Variants in MPEG1 observed in about 807,000 individuals in gnomAD.
The protein encoded by MPEG1 is macrophage expressed 1.
For missense variants in MPEG1, 876 were observed against 880.3 expected (o/e 1.00, Z 0.06); for synonymous variants, 365 against 351.9 (o/e 1.04, Z -0.42).
In MPEG1 at chr11:59,212,718, C is replaced by G. The variant is rs763555814; in HGVS notation, c.148G>C (p.Gly50Arg). ...LPVLEVLPGG[G>R]WDNLRNVDMG... Reference sequence around the variant, plus strand: ...TCCACATTCCGCAGATTGTCCCAGCCCCCTCCAGGTAGGACTTCCAGGACA... The same window carrying G: ...TCCACATTCCGCAGATTGTCCCAGCGCCCTCCAGGTAGGACTTCCAGGACA... Residue 50 changes from glycine to arginine, a missense_variant, in exon 1 of 1, where the codon GGC becomes CGC. Coordinates refer to ENST00000361050, the MANE Select transcript of MPEG1 (RefSeq NM_001039396.2). The G allele has an allele frequency of 1.4e-5, 22 of 1,614,198 alleles. No homozygotes were observed. The highest frequency in any genetic ancestry group is 1.7e-5 in the Non-Finnish European group (20 of 1,180,036).
rs200143926 is a variant in MPEG1 at position 59,212,321 on chromosome 11, A to T, written c.545T>A (p.Leu182Gln). ...RKELLDISDR[L>Q]ENNQTRMATY... ...GGCCATCCTCGTCTGGTTGTTCTCT[A>T]GACGGTCAGAGATGTCAAGGAGTTC... is the stretch of plus-strand genomic sequence containing the variant. The change falls in exon 1 of 1, where the codon CTA (leucine) becomes CAA (glutamine). Residue 182 changes from leucine to glutamine, a missense_variant. By Grantham distance (113) the Leu-to-Gln change is moderately radical. Coordinates refer to ENST00000361050, the MANE Select transcript of MPEG1 (RefSeq NM_001039396.2). 2.4e-5 allele frequency: 38 copies of T among 1,613,882 alleles called. No homozygotes were observed. The highest frequency in any genetic ancestry group is 3.1e-5 in the Non-Finnish European group (36 of 1,180,040).
Position 59,210,630 on chromosome 11 carries a change from G to T in MPEG1, c.*85C>A. On this transcript the variant is annotated 3_prime_UTR_variant, in exon 1 of 1. Transcript: ENST00000361050. Reference sequence around the variant, plus strand: ...GTCACGAATATACCTACTTTTGGTTGCACTTGCCATTTCAATGCTTAGGAA... The same window carrying T: ...GTCACGAATATACCTACTTTTGGTTTCACTTGCCATTTCAATGCTTAGGAA... 7.9e-7 allele frequency: 1 copy of T among 1,258,460 alleles called. No individual in the cohort carries two copies. The highest frequency in any genetic ancestry group is 1.1e-6 in the Non-Finnish European group (1 of 888,342). The allele number at this position is 1,258,460 out of a possible 1,614,324, so 78.0% of individuals were successfully genotyped here. A position where few individuals can be genotyped will look rare whatever the true frequency, so the allele number is the denominator to read the frequency against.
At position 59,210,741 on chromosome 11, in the gene MPEG1, G is replaced by A. The variant is rs776765391; in HGVS notation, c.2125C>T (p.Gln709Ter). Reference protein sequence around the residue: ...GTAATGDTTYQEQGQSPA With the variant: ...GTAATGDTTY Reference sequence around the variant, plus strand: ...TAAGCTGGACTCTGCCCCTGCTCTTGGTAAGTGGTGTCTCCAGTTGCTGCA... The same window carrying A: ...TAAGCTGGACTCTGCCCCTGCTCTTAGTAAGTGGTGTCTCCAGTTGCTGCA... Residue 709 changes from glutamine (Q) to a stop codon, truncating the protein, a stop_gained, in exon 1 of 1, where the codon CAA becomes TAA. Coordinates refer to ENST00000361050, the MANE Select transcript of MPEG1 (RefSeq NM_001039396.2). LOFTEE classifies it high-confidence loss of function. The A allele has an allele frequency of 6.2e-7, 1 of 1,614,082 alleles. No homozygotes were observed. Among genetic ancestry groups the A allele is most frequent in the Non-Finnish European group, 8.5e-7 (1 of 1,179,974 alleles).
Position 59,211,120 on chromosome 11 carries a change from G to A in MPEG1, c.1746C>T (p.Leu582=), listed in dbSNP as rs1442246908. Residue 582 remains leucine, a synonymous_variant, in exon 1 of 1, where the codon CTC becomes CTT. Coordinates refer to ENST00000361050, the MANE Select transcript of MPEG1 (RefSeq NM_001039396.2). The part of the protein sequence containing the change: ...CQVSYCVKSG[L]FTGGSLPPAR... ...CAGGGGGCAGGGACCCTCCTGTGAA[G>A]AGCCCGGATTTGACGCAATAGGACA... 7 of 1,614,112 alleles carry A rather than the reference G, an allele frequency of 4.3e-6. No homozygotes were observed. The highest frequency in any genetic ancestry group is 3.3e-5 in the Admixed American group (2 of 60,008).
chr11:59,212,472 C>T lies in MPEG1; in HGVS notation c.394G>A (p.Glu132Lys). 4 of 1,614,178 alleles carry T rather than the reference C, an allele frequency of 2.5e-6. No homozygotes were observed. Among genetic ancestry groups the T allele is most frequent in the Non-Finnish European group, 3.4e-6 (4 of 1,180,038 alleles). Residue 132 changes from glutamate to lysine, a missense_variant, in exon 1 of 1, where the codon GAG (glutamate) becomes AAG (lysine). Glu to Lys is a moderately conservative substitution (Grantham distance 56, BLOSUM62 1). Coordinates refer to ENST00000361050, the MANE Select transcript of MPEG1 (RefSeq NM_001039396.2). Reference protein sequence around the residue: ...FSKVNGKFSTEFQRMKTLQVK... With the variant: ...FSKVNGKFSTKFQRMKTLQVK... ...TGGAGGGTCTTCATCCTCTGGAACT[C>T]AGTGGAAAACTTGCCATTGACTTTG...
At position 59,210,831 on chromosome 11, in the gene MPEG1, T is replaced by G; in HGVS notation, c.2035A>C (p.Thr679Pro). The G allele has an allele frequency of 6.2e-7, 1 of 1,614,134 alleles. No individual in the cohort carries two copies. The highest frequency in any genetic ancestry group is 8.5e-7 in the Non-Finnish European group (1 of 1,180,042). ...AVVITLAIYG[T>P]RKFKKKAYQA... is the part of the protein sequence containing the mutation. ...TATGCTTTCTTCTTGAACTTCCGGG[T>G]GCCGTAGATGGCCAAGGTGATAACA... is the stretch of plus-strand genomic sequence containing the variant. Residue 679 changes from threonine (T) to proline (P), a missense_variant, in exon 1 of 1, where the codon ACC (threonine) becomes CCC (proline). Transcript: ENST00000361050.
Position 59,212,669 on chromosome 11 carries a change from G to A in MPEG1, c.197C>T (p.Thr66Ile). The A allele has an allele frequency of 6.2e-7, 1 of 1,614,242 alleles. No individual in the cohort carries two copies. Among genetic ancestry groups the A allele is most frequent in the Non-Finnish European group, 8.5e-7 (1 of 1,180,040 alleles). The part of the protein sequence containing the change: ...NVDMGRVMEL[T>I]YSNCRTTEDG... Reference sequence around the variant, plus strand: ...CTCTGTTGTCCTGCAGTTGGAGTAAGTCAATTCCATAACTCGTCCCATGTC... The same window carrying A: ...CTCTGTTGTCCTGCAGTTGGAGTAAATCAATTCCATAACTCGTCCCATGTC... The change falls in exon 1 of 1, where the codon ACT (threonine) becomes ATT (isoleucine). Residue 66 changes from threonine (T) to isoleucine (I), a missense_variant. By Grantham distance (89) the Thr-to-Ile change is moderately conservative. Coordinates refer to ENST00000361050, the MANE Select transcript of MPEG1 (RefSeq NM_001039396.2).
At position 59,212,223 on chromosome 11, in the gene MPEG1, G is replaced by C. The variant is rs1440579253; in HGVS notation, c.643C>G (p.Leu215Val). 2.5e-6 allele frequency: 4 copies of C among 1,613,900 alleles called. No homozygotes were observed. The highest frequency in any genetic ancestry group is 2.2e-5 in the South Asian group (2 of 91,086). The change falls in exon 1 of 1, where the codon CTT (leucine) becomes GTT (valine). Residue 215 changes from leucine (L) to valine (V), a missense_variant. Physicochemically the swap from Leu to Val is conservative, Grantham distance 32. Coordinates refer to ENST00000361050, the MANE Select transcript of MPEG1 (RefSeq NM_001039396.2). ...VTTSVDAGAA[L>V]IQEDHLRASF... is the part of the protein sequence containing the mutation. ...GCCCTGAGGTGGTCCTCCTGAATAA[G>C]AGCAGCCCCAGCGTCGACACTGGTG...
rs1439594171 is a variant in MPEG1, at chr11:59,211,350, G to C, written c.1516C>G (p.Leu506Val). The change falls in exon 1 of 1, where the codon CTC becomes GTC. Residue 506 changes from leucine to valine, a missense_variant. By Grantham distance (32) the Leu-to-Val change is conservative. Coordinates refer to ENST00000361050, the MANE Select transcript of MPEG1 (RefSeq NM_001039396.2). ...SCPAGYFPLR[L>V]FENLKVCVSQ... Reference sequence around the variant, plus strand: ...ACACATACCTTGAGGTTTTCAAAGAGTCTCAGTGGAAAGTAGCCGGCTGGG... The same window carrying C: ...ACACATACCTTGAGGTTTTCAAAGACTCTCAGTGGAAAGTAGCCGGCTGGG... The C allele has an allele frequency of 1.2e-6, 2 of 1,614,086 alleles. No homozygotes were observed. The highest frequency in any genetic ancestry group is 4.5e-5 in the East Asian group (2 of 44,894).
At position 59,212,665 on chromosome 11, in the gene MPEG1, G is replaced by A. The variant is rs1565225970; in HGVS notation, c.201C>T (p.Tyr67=). Reference sequence around the variant, plus strand: ...CATCCTCTGTTGTCCTGCAGTTGGAGTAAGTCAATTCCATAACTCGTCCCA... The same window carrying A: ...CATCCTCTGTTGTCCTGCAGTTGGAATAAGTCAATTCCATAACTCGTCCCA... The part of the protein sequence containing the change: ...VDMGRVMELT[Y]SNCRTTEDGQ... The change falls in exon 1 of 1, where the codon TAC becomes TAT. Residue 67 remains tyrosine (Y), a synonymous_variant. Coordinates refer to ENST00000361050, the MANE Select transcript of MPEG1 (RefSeq NM_001039396.2). The A allele has an allele frequency of 1.3e-5, 21 of 1,614,254 alleles. No individual in the cohort carries two copies. Among genetic ancestry groups the A allele is most frequent in the Non-Finnish European group, 1.7e-5 (20 of 1,180,050 alleles).
chr11:59,208,797 C>T lies in MPEG1; in HGVS notation c.*1918G>A, dbSNP rs577861846. 1 of 152,356 alleles carries T rather than the reference C, an allele frequency of 6.6e-6. No homozygotes were observed. The highest frequency in any genetic ancestry group is 2.1e-4 in the South Asian group (1 of 4,830). 9.4% of individuals were successfully genotyped at this position (152,356 alleles called of 1,614,324 possible). A position where few individuals can be genotyped will look rare whatever the true frequency, so the allele number is the denominator to read the frequency against. On this transcript the variant is annotated 3_prime_UTR_variant, in exon 1 of 1. Coordinates refer to ENST00000361050, the MANE Select transcript of MPEG1 (RefSeq NM_001039396.2). ...CAATTGGCAAACTCCCATGTTCGGACTTCATATGCATGAGCCGTTGGACAG... is the reference window on the plus strand; with the variant it reads ...CAATTGGCAAACTCCCATGTTCGGATTTCATATGCATGAGCCGTTGGACAG...
In MPEG1 at chr11:59,212,883, C is replaced by T; in HGVS notation, c.-18G>A. ...TTGTTCATGGCTCAGACAGCCCCAGCCACTCACCAGCCCTACACAGCGGCC... is the reference window on the plus strand; with the variant it reads ...TTGTTCATGGCTCAGACAGCCCCAGTCACTCACCAGCCCTACACAGCGGCC... On this transcript the variant is annotated 5_prime_UTR_variant, in exon 1 of 1. Coordinates refer to ENST00000361050, the MANE Select transcript of MPEG1 (RefSeq NM_001039396.2). The T allele has an allele frequency of 1.2e-6, 2 of 1,605,386 alleles. No homozygotes were observed. The highest frequency in any genetic ancestry group is 1.7e-6 in the Non-Finnish European group (2 of 1,173,870).
Position 59,209,154 on chromosome 11 carries a change from A to G in MPEG1, c.*1561T>C, listed in dbSNP as rs1230146455. Reference sequence around the variant, plus strand: ...ATCAGTGTCTCTGGCTGGGCAGTCAAGAGAGCGGGCTCAAATTCTGTGACT... The same window carrying G: ...ATCAGTGTCTCTGGCTGGGCAGTCAGGAGAGCGGGCTCAAATTCTGTGACT... On this transcript the variant is annotated 3_prime_UTR_variant, in exon 1 of 1. Coordinates refer to ENST00000361050, the MANE Select transcript of MPEG1 (RefSeq NM_001039396.2). 1.3e-5 allele frequency: 2 copies of G among 152,152 alleles called. No homozygotes were observed. 9.4% of individuals were successfully genotyped at this position (152,152 alleles called of 1,614,324 possible).
rs367733685 is a variant in MPEG1 at position 59,211,940 on chromosome 11, G to A, written c.926C>T (p.Pro309Leu). ...HLVAIDRSGL[P>L]LHFFINPNML... ...GTTGGGGTTGATGAAGAAATGCAGC[G>A]GCAGGCCAGAGCGGTCGATGGCCAC... Residue 309 changes from proline (P) to leucine (L), a missense_variant, in exon 1 of 1, where the codon CCG (proline) becomes CTG (leucine). Coordinates refer to ENST00000361050, the MANE Select transcript of MPEG1 (RefSeq NM_001039396.2). The A allele has an allele frequency of 5.3e-5, 86 of 1,613,268 alleles. No homozygotes were observed. Among genetic ancestry groups the A allele is most frequent in the Admixed American group, 1.7e-4 (10 of 59,958 alleles).
In MPEG1 at chr11:59,211,984, C is replaced by T; in HGVS notation, c.882G>A (p.Gln294=). The change falls in exon 1 of 1, where the codon CAG becomes CAA. Residue 294 remains glutamine, a synonymous_variant. Coordinates refer to ENST00000361050, the MANE Select transcript of MPEG1 (RefSeq NM_001039396.2). ...YPGITLQAWQ[Q]GITNHLVAID... Reference sequence around the variant, plus strand: ...TGGCCACCAGGTGGTTGGTGATACCCTGCTGCCAGGCCTGGAGGGTGATGC... The same window carrying T: ...TGGCCACCAGGTGGTTGGTGATACCTTGCTGCCAGGCCTGGAGGGTGATGC... 6.2e-7 allele frequency: 1 copy of T among 1,611,026 alleles called. No individual in the cohort carries two copies.
rs750912692 is a variant in MPEG1 at position 59,210,829 on chromosome 11, G to T, written c.2037C>A (p.Thr679=). The part of the protein sequence containing the change: ...AVVITLAIYG[T]RKFKKKAYQA... ...GATATGCTTTCTTCTTGAACTTCCG[G>T]GTGCCGTAGATGGCCAAGGTGATAA... Residue 679 remains threonine, a synonymous_variant, in exon 1 of 1, where the codon ACC becomes ACA. Transcript: ENST00000361050. 3 of 1,614,072 alleles carry T rather than the reference G, an allele frequency of 1.9e-6. No individual in the cohort carries two copies. Among genetic ancestry groups the T allele is most frequent in the Admixed American group, 3.3e-5 (2 of 60,012 alleles).
Position 59,210,326 on chromosome 11 carries a change from T to TGTAGA in MPEG1, c.*388_*389insTCTAC. 3 of 179,888 alleles carry TGTAGA rather than the reference T, an allele frequency of 1.7e-5. No individual in the cohort carries two copies. The highest frequency in any genetic ancestry group is 1.5e-4 in the South Asian group (1 of 6,680). The allele number at this position is 179,888 out of a possible 1,614,324, so 11.1% of individuals were successfully genotyped here. On this transcript the variant is annotated 3_prime_UTR_variant, in exon 1 of 1. Transcript: ENST00000361050. Reference sequence around the variant, plus strand: ...AAAAATCAAAATAAAAGGAGAGTAGTTCTTACAGGCAGAAACTCTTAGAGC... The same window carrying TGTAGA: ...AAAAATCAAAATAAAAGGAGAGTAGTGTAGATCTTACAGGCAGAAACTCTTAGAGC...
At position 59,211,817 on chromosome 11, in the gene MPEG1, C is replaced by A; in HGVS notation, c.1049G>T (p.Cys350Phe). ...GAAGTTGGGAGAATTGAGATCTGTG[C>A]AGCCAGGGTAGGTGTTGAATGTATA... ...RYYTFNTYPG[C>F]TDLNSPNFNF... The change falls in exon 1 of 1, where the codon TGC (cysteine) becomes TTC (phenylalanine). Residue 350 changes from cysteine (C) to phenylalanine (F), a missense_variant. Cys to Phe is a radical substitution (Grantham distance 205). Coordinates refer to ENST00000361050, the MANE Select transcript of MPEG1 (RefSeq NM_001039396.2). The A allele has an allele frequency of 6.2e-7, 1 of 1,614,194 alleles. No individual in the cohort carries two copies. The highest frequency in any genetic ancestry group is 1.1e-5 in the South Asian group (1 of 91,076).
Position 59,211,852 on chromosome 11 carries a change from C to T in MPEG1, c.1014G>A (p.Val338=), listed in dbSNP as rs1300949320. ...AGGTGTTGAATGTATAATAGCGCTT[C>T]ACAGCAGTTTCCACTGTCTTTGACA... ...KKVSKTVETA[V]KRYYTFNTYP... is the part of the protein sequence containing the mutation. The change falls in exon 1 of 1, where the codon GTG becomes GTA. Residue 338 remains valine (V), a synonymous_variant. Coordinates refer to ENST00000361050, the MANE Select transcript of MPEG1 (RefSeq NM_001039396.2). 2 of 1,614,150 alleles carry T rather than the reference C, an allele frequency of 1.2e-6. No individual in the cohort carries two copies. The highest frequency in any genetic ancestry group is 1.7e-6 in the Non-Finnish European group (2 of 1,180,014).
Sources: gnomAD v4.1 joint callset for allele counts on GRCh38, gnomAD v4.1.1 for gene constraint, MANE v1.5 for transcripts, NCBI Gene and HGNC (gene_info 2026-07-23, HGNC 2026-07-21) for gene names.